NLGN1: variants seen among roughly 807,000 people sequenced by gnomAD.
NLGN1 encodes neuroligin 1.
In NLGN1, 12 loss-of-function variants were observed where a neutral mutation model predicts 65.5. That is an observed-to-expected ratio of 0.18 (90% confidence interval 0.12 to 0.30). The LOEUF is 0.30. NLGN1 is among the 10% of genes least tolerant of loss of function. NLGN1 has a pLI of 1.00. For synonymous variants in NLGN1, 350 were observed against 359.5 expected (o/e 0.97, Z 0.30); for missense variants, 750 against 1,007.1 (o/e 0.74, Z 3.46).
At chr3:174,197,341 A>ACCAAG (rs758217336) in intron 4 of NLGN1, among the ~76,000 whole-genome samples, 11 of 152,002 alleles carry the variant, frequency 7.2e-5, no homozygotes, top group Non-Finnish European at 1.6e-4. Context: ...ACTAACAGGA[A>ACCAAG]CCAAGCCGTC....
chr3:173,627,515 C>G (rs1755012794), intron 3 of NLGN1, among the ~76,000 whole-genome samples: 1 of 152,016 alleles, frequency 6.6e-6, no homozygotes, highest in Non-Finnish European at 1.5e-5. Flanking sequence ...GTGAAGATCT[C>G]TCTTCAAGGG....
intron 3 of NLGN1, among the ~76,000 whole-genome samples, chr3:173,773,620 T>TA (rs1230258321): frequency 6.6e-6 from 1 of 152,196 alleles, no homozygotes; most frequent in African/African-American, 2.4e-5. Flanking sequence ...TTTTATTGAA[T>TA]AATAATTAAA....
At chr3:173,519,554 T>C (rs896016021) in intron 2 of NLGN1, among the ~76,000 whole-genome samples, 16 of 152,238 alleles carry the variant, frequency 1.1e-4, no homozygotes, top group South Asian at 2.1e-4. Flanking sequence ...AGACAAAGAT[T>C]ATTTTGGAGC....
chr3:173,859,726 T>A (rs1172393176), intron 4 of NLGN1, among the ~76,000 whole-genome samples: 1 of 152,110 alleles, frequency 6.6e-6, no homozygotes, highest in East Asian at 1.9e-4. Flanking sequence ...ACCAAATAAT[T>A]TTTAGAGGTG....
At chr3:174,163,884 G>T (rs1727032192) in intron 4 of NLGN1, among the ~76,000 whole-genome samples, 1 of 152,028 alleles carries the variant, frequency 6.6e-6, no homozygotes, top group Admixed American at 6.6e-5. Flanking sequence ...GTATAGTGCT[G>T]CATTTAACAT....
intron 4 of NLGN1, among the ~76,000 whole-genome samples, chr3:174,032,549 A>G (rs1412040266): frequency 6.6e-6 from 1 of 152,206 alleles, no homozygotes; most frequent in African/African-American, 2.4e-5. Context: ...ACATGGAAAT[A>G]TGTTTTAAAG....
At chr3:174,278,618 C>CTCT (rs1553989538) in intron 5 of NLGN1, among the ~76,000 whole-genome samples, 1 of 151,928 alleles carries the variant, frequency 6.6e-6, no homozygotes, top group East Asian at 1.9e-4. Flanking sequence ...TGCCTACTAC[C>CTCT]TCTTTGAGGC....
At chr3:173,539,709 C>T (rs1738318872) in intron 2 of NLGN1, among the ~76,000 whole-genome samples, 1 of 110,806 alleles carries the variant, frequency 9.0e-6, no homozygotes, top group African/African-American at 3.5e-5. Flanking sequence ...CACATATATA[C>T]ATATATGTAC....
chr3:173,530,735 C>CA (rs1403984962), intron 2 of NLGN1, among the ~76,000 whole-genome samples: 2 of 152,120 alleles, frequency 1.3e-5, no homozygotes, highest in Admixed American at 1.3e-4. Context: ...TGATGCTGAG[C>CA]AAATGCCTGC....
intron 2 of NLGN1, among the ~76,000 whole-genome samples, chr3:173,514,031 T>C (rs996665270): frequency 1.3e-5 from 2 of 152,154 alleles, no homozygotes; most frequent in Non-Finnish European, 2.9e-5. Flanking sequence ...AACATTGCTG[T>C]GTATAATGAT....
rs750740710 is a variant in NLGN1, at chr3:173,419,972, AAAAAT to A, written c.-389-15014_-389-15010del. 1.5e-4 allele frequency among the ~76,000 whole-genome samples: 21 copies of A among 142,756 alleles called. No individual in the cohort carries two copies. The East Asian group carries it at 2.0e-3, about 14-fold the overall frequency. 93.7% of individuals were successfully genotyped at this position (142,756 alleles called of 152,430 possible). On this transcript the variant is annotated intron_variant, in intron 1 of 6. Coordinates refer to ENST00000457714, the Ensembl canonical transcript of NLGN1. ...TGGCGACACAGAGAGACTCAGTCTC[AAAAAT>A]AAAATAAAATAAAATAAAATAAAGT...
chr3:173,551,079 C>G (rs1011120789), intron 2 of NLGN1, among the ~76,000 whole-genome samples: 2 of 152,130 alleles, frequency 1.3e-5, no homozygotes, highest in African/African-American at 4.8e-5. Context: ...CTAATCACTT[C>G]TAATCTTGTC....
intron 2 of NLGN1, among the ~76,000 whole-genome samples, chr3:173,529,659 C>T (rs568128970): frequency 1.3e-5 from 2 of 152,262 alleles, no homozygotes; most frequent in East Asian, 3.9e-4. Context: ...AGCTGAATGC[C>T]GTGGGAAATG....
intron 4 of NLGN1, among the ~76,000 whole-genome samples, chr3:173,945,330 G>T (rs559587153): frequency 7.9e-5 from 12 of 152,092 alleles, no homozygotes; most frequent in Non-Finnish European, 1.6e-4. Flanking sequence ...TACATTTTTT[G>T]ATGTGGGTGT....
intron 3 of NLGN1, among the ~76,000 whole-genome samples, chr3:173,749,670 CA>C (rs201665654): frequency 1.7e-4 from 25 of 147,402 alleles, no homozygotes; most frequent in South Asian, 2.1e-4. Flanking sequence ...TGCTTCTAAC[CA>C]AAAAAAAAAT....
chr3:173,578,993 G>A (rs1211907672), intron 2 of NLGN1, among the ~76,000 whole-genome samples: 2 of 152,096 alleles, frequency 1.3e-5, no homozygotes, highest in African/African-American at 4.8e-5. Flanking sequence ...AAAGAAAACA[G>A]AATCTTAATT....
intron 4 of NLGN1, among the ~76,000 whole-genome samples, chr3:174,215,005 G>C: frequency 6.6e-6 from 1 of 152,104 alleles, no homozygotes. Flanking sequence ...GCAATGAACA[G>C]TTTCTGCCAC....
intron 3 of NLGN1, among the ~76,000 whole-genome samples, chr3:173,700,145 C>T (rs1279871771): frequency 6.6e-6 from 1 of 152,154 alleles, no homozygotes; most frequent in Non-Finnish European, 1.5e-5. Flanking sequence ...AAACCACAGG[C>T]TCCTGGGAAA....
chr3:174,249,524 A>C (rs1468073007), intron 4 of NLGN1, among the ~76,000 whole-genome samples: 1 of 152,214 alleles, frequency 6.6e-6, no homozygotes, highest in African/African-American at 2.4e-5. Flanking sequence ...TCTTGAAATA[A>C]GGCTAGACAG....
Sources: gnomAD v4.1 joint callset for allele counts (sites outside exome capture counted in the v4.1 genomes callset) on GRCh38, gnomAD v4.1.1 for gene constraint, MANE v1.5 for transcripts, NCBI Gene and HGNC (gene_info 2026-07-23, HGNC 2026-07-21) for gene names.